GLYATL2: variants seen among roughly 807,000 people sequenced by gnomAD.
The protein encoded by GLYATL2 is glycine-N-acyltransferase like 2, also known as glycine N-acyltransferase-like protein 2.
In GLYATL2, 25 loss-of-function variants were observed where a neutral mutation model predicts 21.4. The ratio of observed to expected loss-of-function variants is 1.17; its 90% CI spans 0.85 to 1.63. The LOEUF is 1.63. Ranked by LOEUF, GLYATL2 falls within the 40% of genes most tolerant of loss-of-function variation. GLYATL2 has a pLI of 0.00. For synonymous variants in GLYATL2, 114 were observed against 118.2 expected, an observed-to-expected ratio of 0.96 and a Z score of 0.23; for missense variants, 361 against 343.3, an observed-to-expected ratio of 1.05 and a Z score of -0.41.
chr11:58,862,055 A>G (rs547595924), intron 1 of GLYATL2, among the ~76,000 whole-genome samples: 4 of 10,748 alleles, frequency 3.7e-4, no homozygotes, highest in East Asian at 0.12. Flanking sequence ...AAACAAACAA[A>G]CAAACAAAAA....
chr11:58,890,288 T>C (rs1026366752), intron 1 of GLYATL2, among the ~76,000 whole-genome samples: 1 of 152,108 alleles, frequency 6.6e-6, no homozygotes, highest in Admixed American at 6.6e-5. Flanking sequence ...TAAAACAGAG[T>C]TACCATTTAA....
chr11:58,871,633 A>G (rs140527019), intron 1 of GLYATL2, among the ~76,000 whole-genome samples: 22,372 of 152,066 alleles, frequency 0.15, 1,796 homozygotes, highest in African/African-American at 0.2. Flanking sequence ...TTATGGCTGC[A>G]TAGTATTCCA....
Position 58,857,467 on chromosome 11 carries a change from C to T in GLYATL2, n.61-19099G>A, listed in dbSNP as rs1853849622. 2.0e-5 allele frequency among the ~76,000 whole-genome samples: 3 copies of T among 152,160 alleles called. No individual in the cohort carries two copies. In the South Asian group the frequency reaches 6.2e-4, roughly 32 times the overall value. ...CTGCCTAGACCTGGAGAAGCCTTTT[C>T]TCATCCTTCTCACTCATCCCCCTGG... On this transcript the variant is annotated intron_variant and non_coding_transcript_variant, in intron 1 of 4. Coordinates refer to the GLYATL2 transcript ENST00000533636.
rs753339466 is a variant in GLYATL2 at position 58,837,078 on chromosome 11, G to C, written c.413C>G (p.Pro138Arg). 6.2e-7 allele frequency: 1 copy of C among 1,613,576 alleles called. No individual in the cohort carries two copies. Among genetic ancestry groups the C allele is most frequent in the Non-Finnish European group, 8.5e-7 (1 of 1,179,620 alleles). Residue 138 changes from proline to arginine, a missense_variant, in exon 5 of 6, where the codon CCA becomes CGA. Transcript: ENST00000287275. ...MKTILFIPEL[P>R]KKHKTSSNDK... ...ATTACTTGAGGTCTTGTGTTTCTTT[G>C]GTAATTCCGGTATAAAGAGGATGGT...
At chr11:58,835,219 C>T (rs913199579) in intron 5 of GLYATL2, among the ~76,000 whole-genome samples, 9 of 152,136 alleles carry the variant, frequency 5.9e-5, no homozygotes, top group Admixed American at 1.3e-4. Context: ...ATTTTGAGTT[C>T]TGCATCACAA....
chr11:58,874,241 C>T (rs969162689), intron 1 of GLYATL2, among the ~76,000 whole-genome samples: 1 of 152,108 alleles, frequency 6.6e-6, no homozygotes, highest in African/African-American at 2.4e-5. Context: ...AAAAAACCAG[C>T]TCCTGGATTC....
chr11:58,872,688 C>A (rs997451904), intron 1 of GLYATL2, among the ~76,000 whole-genome samples: 1 of 152,302 alleles, frequency 6.6e-6, no homozygotes, highest in Non-Finnish European at 1.5e-5. Context: ...GTTACTGTAG[C>A]CTTGTAGTAT....
At chr11:58,835,638 G>T (rs1001652999) in intron 5 of GLYATL2, among the ~76,000 whole-genome samples, 7 of 152,086 alleles carry the variant, frequency 4.6e-5, no homozygotes, top group Admixed American at 4.6e-4. Context: ...GTAACAGAAC[G>T]CTAAGTTTTC....
intron 5 of GLYATL2, among the ~76,000 whole-genome samples, chr11:58,835,136 G>C (rs1331769717): frequency 6.6e-6 from 1 of 152,148 alleles, no homozygotes; most frequent in Admixed American, 6.5e-5. Context: ...CCCTAAAAGA[G>C]TGTGAATATA....
chr11:58,904,029 G>A (rs1215231396), intron 1 of GLYATL2: 1 of 152,152 alleles, frequency 6.6e-6, no homozygotes, highest in Non-Finnish European at 1.5e-5. Context: ...CAAGTCAAAA[G>A]CCCAAGAATC....
chr11:58,864,601 G>A lies in GLYATL2; in HGVS notation n.61-26233C>T, dbSNP rs796743463. 1.1e-4 allele frequency among the ~76,000 whole-genome samples: 16 copies of A among 149,278 alleles called. 1 individual carries two copies. Among genetic ancestry groups the A allele is most frequent in the African/African-American group, 3.4e-4 (14 of 41,372 alleles). On this transcript the variant is annotated intron_variant and non_coding_transcript_variant, in intron 1 of 4. Coordinates refer to the GLYATL2 transcript ENST00000533636. ...CCTGTCTGTGTGCTCTGCTGCTCTG[G>A]TACCTGGTTCCATGCCTGTGGGTGG...
chr11:58,854,314 A>G (rs1249104951), intron 1 of GLYATL2, among the ~76,000 whole-genome samples: 1 of 152,176 alleles, frequency 6.6e-6, no homozygotes, highest in Non-Finnish European at 1.5e-5. Flanking sequence ...AGAGATATGG[A>G]GGGTTTAGTT....
At chr11:58,905,243 C>T (rs11820828), upstream of GLYATL2, among the ~76,000 whole-genome samples, 8,662 of 152,316 alleles carry the variant, frequency 0.057, 612 homozygotes, top group African/African-American at 0.17. Flanking sequence ...AGCCCCTCCA[C>T]GAAGTTGGAT....
At chr11:58,873,233 A>G (rs1854159131) in intron 1 of GLYATL2, among the ~76,000 whole-genome samples, 2 of 151,708 alleles carry the variant, frequency 1.3e-5, no homozygotes, top group African/African-American at 4.8e-5. Context: ...ATGTGCAAAC[A>G]GGGACAATTT....
intron 1 of GLYATL2, among the ~76,000 whole-genome samples, chr11:58,882,152 C>T (rs1474266978): frequency 6.6e-6 from 1 of 152,222 alleles, no homozygotes; most frequent in Non-Finnish European, 1.5e-5. Context: ...TGAGGAATCA[C>T]CGCACTGTCT....
At chr11:58,896,376 C>G (rs1393299578) in intron 1 of GLYATL2, among the ~76,000 whole-genome samples, 1 of 152,194 alleles carries the variant, frequency 6.6e-6, no homozygotes, top group Non-Finnish European at 1.5e-5. Context: ...AACCCGGAAA[C>G]CTGCTCAGAT....
chr11:58,890,152 A>G (rs1470254882), intron 1 of GLYATL2, among the ~76,000 whole-genome samples: 1 of 152,078 alleles, frequency 6.6e-6, no homozygotes, highest in East Asian at 1.9e-4. Context: ...ATTTATGTCC[A>G]TGTATGGTCA....
At chr11:58,901,416 C>T (rs1425382930) in intron 1 of GLYATL2, among the ~76,000 whole-genome samples, 2 of 152,262 alleles carry the variant, frequency 1.3e-5, no homozygotes, top group South Asian at 4.1e-4. Flanking sequence ...GGCCTCACCC[C>T]AGACCTATTG....
chr11:58,894,889 T>C (rs1165420817), intron 1 of GLYATL2, among the ~76,000 whole-genome samples: 1 of 152,206 alleles, frequency 6.6e-6, no homozygotes, highest in Non-Finnish European at 1.5e-5. Flanking sequence ...AATTCTTACG[T>C]AAAAAATAAA....
Sources: allele counts gnomAD v4.1 joint callset (sites outside exome capture counted in the v4.1 genomes callset), GRCh38; gene constraint gnomAD v4.1.1; transcripts MANE v1.5; gene names NCBI Gene and HGNC (gene_info 2026-07-23, HGNC 2026-07-21).